The following CDIN1 variants were observed in gnomAD, a reference collection of about 807,000 sequenced individuals.
The protein encoded by CDIN1 is CDAN1-interacting nuclease 1.
Under a neutral mutation model 45.3 loss-of-function variants are expected in CDIN1, and 33 were observed. That is an observed-to-expected ratio of 0.73 (90% CI 0.55 to 0.97). The LOEUF (loss-of-function observed/expected upper bound fraction) is 0.97, where lower values mean the gene tolerates loss of function less well. Among genes scored for constraint, CDIN1 ranks in the 50% least tolerant of loss-of-function variants. The probability of loss-of-function intolerance (pLI) is 0.00; values close to 1 mark genes in which losing one functional copy is unlikely to be tolerated. For missense variants in CDIN1, 303 were observed against 339.4 expected (o/e 0.89, Z 0.84); for synonymous variants, 118 against 124.4 (o/e 0.95, Z 0.34).
chr15:36,659,445 T>G (rs770876926), intron 5 of CDIN1, among the ~76,000 whole-genome samples: 1 of 152,114 alleles, frequency 6.6e-6, no homozygotes, highest in Non-Finnish European at 1.5e-5. Context: ...TTTAGAAACA[T>G]ACCAAGGAAA....
At chr15:36,651,826 A>G (rs1048639440) in intron 3 of CDIN1, among the ~76,000 whole-genome samples, 1 of 152,196 alleles carries the variant, frequency 6.6e-6, no homozygotes, top group Non-Finnish European at 1.5e-5. Flanking sequence ...AGTATTAAGT[A>G]TGGTCATGCT....
chr15:36,736,452 A>G (rs2140925791), intron 10 of CDIN1, among the ~76,000 whole-genome samples: 1 of 152,146 alleles, frequency 6.6e-6, no homozygotes, highest in South Asian at 2.1e-4. Flanking sequence ...ACATTCTCCC[A>G]TGTTTGTTTC....
chr15:36,688,290 A>G (rs985092611), intron 5 of CDIN1, among the ~76,000 whole-genome samples: 3 of 152,164 alleles, frequency 2.0e-5, no homozygotes, highest in East Asian at 1.9e-4. Context: ...ATATGAGACT[A>G]TCTAAAGCAA....
chr15:36,734,491 G>T, intron 10 of CDIN1: 1 of 314,992 alleles, frequency 3.2e-6, no homozygotes, highest in Non-Finnish European at 6.2e-6. Flanking sequence ...TTACAGCAGA[G>T]AAGGTTAACC....
At chr15:36,761,250 G>C (rs1486150964) in intron 10 of CDIN1, among the ~76,000 whole-genome samples, 1 of 152,100 alleles carries the variant, frequency 6.6e-6, no homozygotes, top group Non-Finnish European at 1.5e-5. Context: ...GCAGTCTCCT[G>C]CCCACTTTCC....
intron 1 of CDIN1, among the ~76,000 whole-genome samples, chr15:36,638,628 C>G (rs989892313): frequency 2.0e-5 from 3 of 152,148 alleles, no homozygotes; most frequent in Non-Finnish European, 4.4e-5. Flanking sequence ...TGACTGTTTT[C>G]TGCAGTCAGT....
intron 10 of CDIN1, among the ~76,000 whole-genome samples, chr15:36,716,979 G>T (rs2043237126): frequency 6.6e-6 from 1 of 152,084 alleles, no homozygotes. Context: ...TACTCCACCG[G>T]CAGCTTCATG....
Position 36,723,216 on chromosome 15 carries a change from A to G in CDIN1, c.716+13255A>G, listed in dbSNP as rs560849340. ...TCCCATTTGTTGCTGGCAGCTTGCT[A>G]ACCATTACCACCATTTTAAATTTAA... On this transcript the variant is annotated intron_variant, in intron 10 of 10. Coordinates refer to ENST00000566621, the MANE Select transcript of CDIN1 (RefSeq NM_001321759.2). Among the ~76,000 whole-genome samples the G allele has an allele frequency of 5.4e-5, 4 of 73,458 alleles. No homozygotes were observed. In the East Asian group the frequency reaches 3.3e-3, roughly 61 times the overall value. 48.2% of individuals were successfully genotyped at this position (73,458 alleles called of 152,430 possible).
intron 10 of CDIN1, among the ~76,000 whole-genome samples, chr15:36,762,582 G>A (rs2053798149): frequency 6.6e-6 from 1 of 152,046 alleles, no homozygotes; most frequent in Non-Finnish European, 1.5e-5. Context: ...CCATGTTGGT[G>A]TGCTGCACCC....
chr15:36,775,394 G>A (rs1002241424), intron 10 of CDIN1, among the ~76,000 whole-genome samples: 2 of 152,182 alleles, frequency 1.3e-5, no homozygotes, highest in Non-Finnish European at 1.5e-5. Context: ...TTCCCCGGCT[G>A]TTAACCAGAA....
chr15:36,623,819 C>G (rs1043858994), intron 1 of CDIN1, among the ~76,000 whole-genome samples: 2 of 152,172 alleles, frequency 1.3e-5, no homozygotes, highest in Admixed American at 1.3e-4. Context: ...CATTGACATA[C>G]TGGTTCTTGA....
chr15:36,808,557 C>G lies in CDIN1; in HGVS notation c.*104C>G. On this transcript the variant is annotated 3_prime_UTR_variant, in exon 11 of 11. Transcript: ENST00000566621. Reference sequence around the variant, plus strand: ...TGGCAACATCTGCCCTGAACTTCAGCTGAACTCTTGCTGCCCGTAGTCACA... The same window carrying G: ...TGGCAACATCTGCCCTGAACTTCAGGTGAACTCTTGCTGCCCGTAGTCACA... The G allele has an allele frequency of 6.9e-7, 1 of 1,458,710 alleles. No individual in the cohort carries two copies. The highest frequency in any genetic ancestry group is 1.4e-5 in the African/African-American group (1 of 71,308). The allele number at this position is 1,458,710 out of a possible 1,614,324, so 90.4% of individuals were successfully genotyped here. A position where few individuals can be genotyped will look rare whatever the true frequency, so the allele number is the denominator to read the frequency against.
Position 36,754,305 on chromosome 15 carries a change from G to C in CDIN1, c.716+44344G>C, listed in dbSNP as rs148785021. Among the ~76,000 whole-genome samples, 15 of 152,214 alleles carry C rather than the reference G, an allele frequency of 9.9e-5. No individual in the cohort carries two copies. The East Asian group carries it at 2.9e-3, about 29-fold the overall frequency. Reference sequence around the variant, plus strand: ...TTTCACTACCCCCTGTCATTTAGTGGATGTGGTTCTTGAGTATGTCCAGAA... The same window carrying C: ...TTTCACTACCCCCTGTCATTTAGTGCATGTGGTTCTTGAGTATGTCCAGAA... On this transcript the variant is annotated intron_variant, in intron 10 of 10. Coordinates refer to ENST00000566621, the MANE Select transcript of CDIN1 (RefSeq NM_001321759.2).
At position 36,621,518 on chromosome 15, in the gene CDIN1, A is replaced by G. The variant is rs181512911; in HGVS notation, c.102-22760A>G. 3.9e-5 allele frequency among the ~76,000 whole-genome samples: 6 copies of G among 152,316 alleles called. No homozygotes were observed. In the East Asian group the frequency reaches 9.6e-4, roughly 24 times the overall value. On this transcript the variant is annotated intron_variant, in intron 1 of 10. Coordinates refer to ENST00000566621, the MANE Select transcript of CDIN1 (RefSeq NM_001321759.2). Reference sequence around the variant, plus strand: ...ATACACTATTTTTTAAAAATCACCTACTAGGTGAAACATACAATGAAACTA... The same window carrying G: ...ATACACTATTTTTTAAAAATCACCTGCTAGGTGAAACATACAATGAAACTA...
chr15:36,612,560 G>C lies in CDIN1; in HGVS notation c.102-31718G>C, dbSNP rs1038105780. 6.6e-5 allele frequency among the ~76,000 whole-genome samples: 10 copies of C among 152,168 alleles called. No individual in the cohort carries two copies. The East Asian group carries it at 1.9e-3, about 29-fold the overall frequency. On this transcript the variant is annotated intron_variant, in intron 1 of 10. Transcript: ENST00000566621. ...AATGAGGCTGCATGAGAACAAGTTT[G>C]TCACCATATTCAGAGCCATTTTAAA...
At chr15:36,635,921 T>C in intron 1 of CDIN1, among the ~76,000 whole-genome samples, 1 of 151,314 alleles carries the variant, frequency 6.6e-6, no homozygotes, top group Admixed American at 6.6e-5. Flanking sequence ...TAACATACAA[T>C]AACAAAAGGG....
chr15:36,794,018 G>GA (rs36187344), intron 10 of CDIN1, among the ~76,000 whole-genome samples: 9,034 of 136,890 alleles, frequency 0.066, 363 homozygotes, highest in South Asian at 0.13. Flanking sequence ...TTACTGTGGT[G>GA]AAAAAAAAAA....
intron 5 of CDIN1, among the ~76,000 whole-genome samples, chr15:36,660,443 A>G (rs1029316622): frequency 6.6e-6 from 1 of 152,170 alleles, no homozygotes; most frequent in Non-Finnish European, 1.5e-5. Flanking sequence ...TCATTAGATC[A>G]ATGCTCAGTT....
At chr15:36,608,604 C>A (rs980711946) in intron 1 of CDIN1, among the ~76,000 whole-genome samples, 4 of 151,772 alleles carry the variant, frequency 2.6e-5, no homozygotes, top group East Asian at 1.9e-4. Flanking sequence ...TTTTTCTAGT[C>A]TGTTGGTTCT....
Sources: gnomAD v4.1 joint callset for allele counts (sites outside exome capture counted in the v4.1 genomes callset) on GRCh38, gnomAD v4.1.1 for gene constraint, MANE v1.5 for transcripts, NCBI Gene and HGNC (gene_info 2026-07-23, HGNC 2026-07-21) for gene names.